TET1: variants seen among roughly 807,000 people sequenced by gnomAD.
TET1 encodes the protein tet methylcytosine dioxygenase 1, also known as methylcytosine dioxygenase TET1.
In TET1, 13 loss-of-function variants were observed where a neutral mutation model predicts 148.7. The ratio of observed to expected loss-of-function variants is 0.09; its 90% CI spans 0.06 to 0.14. The LOEUF is 0.14. Among genes scored for constraint, TET1 ranks in the 10% least tolerant of loss-of-function variants. The pLI is 1.00. For synonymous variants in TET1, 907 were observed against 937.2 expected (o/e 0.97, Z 0.59); for missense variants, 2,182 against 2,553.8 (o/e 0.85, Z 3.14).
chr10:68,621,228 G>T lies in TET1; in HGVS notation c.1968+20194G>T, dbSNP rs1248366433. ...AGGTGGGAGGATTGCTTGAGCCTAG[G>T]TGTTTCTTGTTGTTGTTGTTGTTGT... On this transcript the variant is annotated intron_variant, in intron 3 of 11. Coordinates refer to ENST00000373644, the MANE Select transcript of TET1 (RefSeq NM_030625.3). Among the ~76,000 whole-genome samples, 4 of 151,446 alleles carry T rather than the reference G, an allele frequency of 2.6e-5. No homozygotes were observed. The East Asian group carries it at 7.7e-4, about 29-fold the overall frequency.
chr10:68,589,706 CTG>C (rs2053898471), intron 2 of TET1, among the ~76,000 whole-genome samples: 1 of 141,206 alleles, frequency 7.1e-6, no homozygotes, highest in Non-Finnish European at 1.5e-5. Flanking sequence ...GAGTCTCACT[CTG>C]TCACCCAGGC....
At chr10:68,580,313 A>AT (rs1163318028) in intron 2 of TET1, among the ~76,000 whole-genome samples, 6,043 of 60,458 alleles carry the variant, frequency 0.1, 906 homozygotes, top group Middle Eastern at 0.13. Context: ...ATTATATTCA[A>AT]TTTTTTTTTT....
At position 68,591,439 on chromosome 10, in the gene TET1, T is replaced by C. The variant is rs75954781; in HGVS notation, c.1915-9542T>C. ...GAACAAAGTAAGAGCATCCCCTACT[T>C]CCAACATCAGAAGCATCTGTGCAGT... On this transcript the variant is annotated intron_variant, in intron 2 of 11. Coordinates refer to ENST00000373644, the MANE Select transcript of TET1 (RefSeq NM_030625.3). 2.3e-3 allele frequency among the ~76,000 whole-genome samples: 347 copies of C among 152,308 alleles called. 3 individuals carry two copies. Among genetic ancestry groups the C allele is most frequent in the African/African-American group, 7.7e-3 (319 of 41,570 alleles).
intron 2 of TET1, among the ~76,000 whole-genome samples, chr10:68,594,012 G>T (rs931445287): frequency 7.5e-6 from 1 of 133,662 alleles, no homozygotes; most frequent in Admixed American, 9.0e-5. Flanking sequence ...TGGAACCTGT[G>T]CCTACTGGGT....
At chr10:68,570,587 T>C (rs1401434591) in intron 1 of TET1, among the ~76,000 whole-genome samples, 1 of 152,048 alleles carries the variant, frequency 6.6e-6, no homozygotes, top group Non-Finnish European at 1.5e-5. Flanking sequence ...TTGATTATAT[T>C]TTTCTTTTGC....
chr10:68,692,944 A>G lies in TET1; in HGVS notation c.*1130A>G. ...ACTGAAGTCTGATACAGAATTAGAA[A>G]AAAAAAATTCTTGTTGAAATATTTT... On this transcript the variant is annotated 3_prime_UTR_variant, in exon 12 of 12. Coordinates refer to ENST00000373644, the MANE Select transcript of TET1 (RefSeq NM_030625.3). 1 of 231,754 alleles carries G rather than the reference A, an allele frequency of 4.3e-6. No individual in the cohort carries two copies. The allele number at this position is 231,754 out of a possible 1,614,324, so 14.4% of individuals were successfully genotyped here.
intron 8 of TET1, chr10:68,674,550 GT>G: frequency 1.8e-6 from 1 of 542,506 alleles, no homozygotes; most frequent in Non-Finnish European, 3.5e-6. Context: ...GAATGATAAA[GT>G]TGCATTTAGA....
chr10:68,615,148 G>C (rs1825212348), intron 3 of TET1, among the ~76,000 whole-genome samples: 2 of 151,882 alleles, frequency 1.3e-5, no homozygotes, highest in Non-Finnish European at 2.9e-5. Context: ...GGCCAGGCTG[G>C]TCTCGAACTC....
At chr10:68,664,041 G>A (rs1481563090) in intron 6 of TET1, among the ~76,000 whole-genome samples, 1 of 151,662 alleles carries the variant, frequency 6.6e-6, no homozygotes, top group Non-Finnish European at 1.5e-5. Flanking sequence ...CTCCCATCGC[G>A]CAGGCTGTAG....
intron 3 of TET1, among the ~76,000 whole-genome samples, chr10:68,629,356 T>A (rs1388100173): frequency 6.6e-6 from 1 of 151,690 alleles, no homozygotes; most frequent in Non-Finnish European, 1.5e-5. Flanking sequence ...CAGAGAAAGA[T>A]CTCGTCTCAA....
At chr10:68,586,485 G>GTT (rs11437924) in intron 2 of TET1, among the ~76,000 whole-genome samples, 3,291 of 133,264 alleles carry the variant, frequency 0.025, 65 homozygotes, top group Middle Eastern at 0.052. Context: ...GCCAGCTAAC[G>GTT]TTTTTTTTTT....
intron 8 of TET1, among the ~76,000 whole-genome samples, chr10:68,676,950 T>TA (rs1256918418): frequency 1.3e-5 from 2 of 152,322 alleles, no homozygotes; most frequent in Non-Finnish European, 2.9e-5. Flanking sequence ...AGCATGGCTT[T>TA]ACCAGCATAA....
chr10:68,618,345 GTAT>G (rs1326659945), intron 3 of TET1, among the ~76,000 whole-genome samples: 2 of 152,044 alleles, frequency 1.3e-5, no homozygotes, highest in Non-Finnish European at 2.9e-5. Flanking sequence ...AAAAAAATAG[GTAT>G]TAGGGAATGA....
intron 9 of TET1, 112 bp from the exon 10 acceptor site, chr10:68,682,723 AT>A: frequency 8.0e-7 from 1 of 1,248,780 alleles, no homozygotes; most frequent in Non-Finnish European, 1.1e-6. Context: ...AGTCTCAGAA[AT>A]TACAAAGTGT....
At chr10:68,664,221 C>T (rs112755860) in intron 6 of TET1, among the ~76,000 whole-genome samples, 2 of 151,904 alleles carry the variant, frequency 1.3e-5, no homozygotes, top group African/African-American at 4.8e-5. Context: ...TTTTCATATT[C>T]TCTATTGTGA....
At chr10:68,588,143 TC>T (rs1459331289) in intron 2 of TET1, among the ~76,000 whole-genome samples, 1 of 152,158 alleles carries the variant, frequency 6.6e-6, no homozygotes, top group Admixed American at 6.6e-5. Flanking sequence ...ATTACAGGCG[TC>T]GGCCACCTTG....
chr10:68,685,180 A>C (rs2055492826), intron 10 of TET1, among the ~76,000 whole-genome samples: 1 of 152,194 alleles, frequency 6.6e-6, no homozygotes, highest in Non-Finnish European at 1.5e-5. Context: ...ACTCAAACCC[A>C]GGAGTTTGAG....
In TET1 at chr10:68,661,818, A is replaced by ACACAC. The variant is rs1554809964; in HGVS notation, c.4462-5227_4462-5226insCACAC. ...TTTCTTTTCTTTTCTTTGTTAAAAA[A>ACACAC]ACACACACACACACAAAAAACCAAG... On this transcript the variant is annotated intron_variant, in intron 6 of 11. Transcript: ENST00000373644. Among the ~76,000 whole-genome samples the ACACAC allele has an allele frequency of 4.6e-3, 686 of 150,656 alleles. 4 individuals are homozygous for ACACAC. The highest frequency in any genetic ancestry group is 0.016 in the African/African-American group (650 of 40,882).
chr10:68,626,374 T>A (rs2054482794), intron 3 of TET1, among the ~76,000 whole-genome samples: 2 of 151,960 alleles, frequency 1.3e-5, no homozygotes, highest in Non-Finnish European at 2.9e-5. Flanking sequence ...GCTTGTTTGT[T>A]TGTTTATGTA....
Sources: gnomAD v4.1 joint callset for allele counts (sites outside exome capture counted in the v4.1 genomes callset) on GRCh38, gnomAD v4.1.1 for gene constraint, MANE v1.5 for transcripts, NCBI Gene and HGNC (gene_info 2026-07-23, HGNC 2026-07-21) for gene names.